The following RASGEF1A variants were observed in gnomAD, a reference collection of about 807,000 sequenced individuals.
The protein encoded by RASGEF1A is ras-GEF domain-containing family member 1A.
A neutral mutation model predicts 56.4 loss-of-function variants in RASGEF1A; 18 were observed. The observed-to-expected ratio is 0.32, with a 90% confidence interval of 0.22 to 0.47. The LOEUF is 0.47. Ranked by LOEUF, RASGEF1A falls within the 20% of genes least tolerant of loss-of-function variation. The pLI, the probability that RASGEF1A is intolerant of heterozygous loss-of-function variation, is 1.00. For missense variants in RASGEF1A, 422 were observed against 627.1 expected (o/e 0.67, Z 3.49); for synonymous variants, 245 against 242.6 (o/e 1.01, Z -0.09).
intron 1 of RASGEF1A, among the ~76,000 whole-genome samples, chr10:43,261,603 C>T (rs1413355475): frequency 6.6e-6 from 1 of 152,218 alleles, no homozygotes; most frequent in Non-Finnish European, 1.5e-5. Flanking sequence ...CCCAGAACTC[C>T]CAACCTCATC....
chr10:43,204,145 G>C (rs190984422), intron 2 of RASGEF1A, among the ~76,000 whole-genome samples: 2 of 152,308 alleles, frequency 1.3e-5, no homozygotes, highest in East Asian at 3.9e-4. Context: ...TCTAGCTCCT[G>C]CTTGTGGACA....
chr10:43,201,245 T>A (rs1302805756), intron 4 of RASGEF1A, among the ~76,000 whole-genome samples: 1 of 152,170 alleles, frequency 6.6e-6, no homozygotes. Context: ...TGGGAAAGGC[T>A]TCTGCCAAAG....
intron 3 of RASGEF1A, 26 bp downstream of exon 3, chr10:43,203,272 C>G (rs1366889065): frequency 6.5e-7 from 1 of 1,535,838 alleles, no homozygotes; most frequent in Non-Finnish European, 8.8e-7. Context: ...TGCCCCCGCC[C>G]GTGCCCCAGC....
intron 1 of RASGEF1A, among the ~76,000 whole-genome samples, chr10:43,263,026 GGGCGT>G (rs1836561926): frequency 1.3e-5 from 2 of 152,176 alleles, no homozygotes; most frequent in South Asian, 4.1e-4. Context: ...CAAGGTTCAG[GGGCGT>G]GATGATGTGC....
chr10:43,248,763 A>T (rs1269611462), intron 1 of RASGEF1A, among the ~76,000 whole-genome samples: 1 of 152,076 alleles, frequency 6.6e-6, no homozygotes, highest in African/African-American at 2.4e-5. Context: ...AATGGTATTC[A>T]TTCATCCAAT....
intron 1 of RASGEF1A, 39 bp from the exon 2 acceptor site, chr10:43,206,161 C>T (rs1263076036): frequency 1.3e-6 from 2 of 1,502,286 alleles, no homozygotes; most frequent in Non-Finnish European, 1.8e-6. Context: ...ATCAAAGGCG[C>T]CTCCACAGCT....
chr10:43,229,678 G>C, intron 1 of RASGEF1A: 1 of 1,469,088 alleles, frequency 6.8e-7, no homozygotes, highest in Non-Finnish European at 9.0e-7. Flanking sequence ...TCCCCGCGCC[G>C]TCCTGCCCGG....
intron 1 of RASGEF1A, chr10:43,207,282 G>T: frequency 1.0e-6 from 1 of 985,522 alleles, no homozygotes; most frequent in Non-Finnish European, 1.2e-6. Flanking sequence ...CCACTGCACA[G>T]AGCAAATTGT....
At chr10:43,257,635 C>T (rs985281069) in intron 1 of RASGEF1A, among the ~76,000 whole-genome samples, 2 of 152,246 alleles carry the variant, frequency 1.3e-5, no homozygotes, top group African/African-American at 2.4e-5. Context: ...CTGCACACAG[C>T]GATGGGCAAC....
chr10:43,232,482 C>T (rs144280196), intron 1 of RASGEF1A, among the ~76,000 whole-genome samples: 2,410 of 141,364 alleles, frequency 0.017, 72 homozygotes, highest in African/African-American at 0.059. Flanking sequence ...ACCCAGTCTC[C>T]GGCTTTTTTT....
At chr10:43,266,727 GC>G (rs1345235889) in intron 1 of RASGEF1A, 117 bp downstream of exon 1, 1 of 145,880 alleles carries the variant, frequency 6.9e-6, no homozygotes, top group Non-Finnish European at 1.5e-5. Flanking sequence ...CGACGGCCGC[GC>G]CGGGAGGGAC....
chr10:43,203,351 C>G lies in RASGEF1A; in HGVS notation c.268G>C (p.Val90Leu), dbSNP rs773897743. The change falls in exon 3 of 13, where the codon GTG becomes CTG. Residue 90 changes from valine to leucine, a missense_variant. By Grantham distance (32) the Val-to-Leu change is conservative. Around this residue, in one of 2 missense-constraint regions of RASGEF1A, gnomAD observed 273 missense variants for 339.9 expected, o/e 0.80. Coordinates refer to ENST00000395810, the MANE Select transcript of RASGEF1A (RefSeq NM_145313.4). Reference protein sequence around the residue: ...FMPPHDLLARVGQICVEQKQQ... With the variant: ...FMPPHDLLARLGQICVEQKQQ... The stretch of plus-strand genomic sequence containing the variant: ...TTCTGCTCCACGCAGATCTGCCCCA[C>G]GCGGGCCAGCAGGTCATGAGGGGGC... 3 of 1,584,978 alleles carry G rather than the reference C, an allele frequency of 1.9e-6. No homozygotes were observed. The highest frequency in any genetic ancestry group is 2.3e-5 in the South Asian group (2 of 87,272).
chr10:43,197,129 T>C, intron 10 of RASGEF1A, 30 bp from the exon 11 acceptor site: 1 of 1,610,606 alleles, frequency 6.2e-7, no homozygotes, highest in South Asian at 1.1e-5. Context: ...CTGATGTTCA[T>C]CTGTCACCTT....
chr10:43,215,825 G>C (rs1329641126), intron 1 of RASGEF1A, among the ~76,000 whole-genome samples: 1 of 152,206 alleles, frequency 6.6e-6, no homozygotes, highest in Non-Finnish European at 1.5e-5. Flanking sequence ...GAGAATCAGT[G>C]CTCCGACAGA....
At chr10:43,248,364 TAAAAAAAAAA>T (rs34561814) in intron 1 of RASGEF1A, among the ~76,000 whole-genome samples, 5 of 111,420 alleles carry the variant, frequency 4.5e-5, no homozygotes, top group Non-Finnish European at 8.9e-5. Context: ...ACTCGGTCTT[TAAAAAAAAAA>T]AAAAAAAAAA....
intron 1 of RASGEF1A, among the ~76,000 whole-genome samples, chr10:43,242,969 GCA>G (rs1298005605): frequency 6.6e-6 from 1 of 152,210 alleles, no homozygotes; most frequent in African/African-American, 2.4e-5. Context: ...TAGGAAGTGA[GCA>G]GCGTCTCTGC....
chr10:43,203,460 G>C, intron 2 of RASGEF1A, 40 bp from the exon 3 acceptor site: 1 of 1,484,450 alleles, frequency 6.7e-7, no homozygotes. Context: ...GGGAGGGTGA[G>C]GCAGGCCCCC....
intron 1 of RASGEF1A, among the ~76,000 whole-genome samples, chr10:43,251,649 T>C (rs1840628735): frequency 6.6e-6 from 1 of 152,176 alleles, no homozygotes; most frequent in South Asian, 2.1e-4. Flanking sequence ...GTCCTGTTAA[T>C]TGCGAGCCCT....
At chr10:43,217,379 A>C (rs7073629) in intron 1 of RASGEF1A, among the ~76,000 whole-genome samples, 2,680 of 152,294 alleles carry the variant, frequency 0.018, 74 homozygotes, top group African/African-American at 0.061. Flanking sequence ...CCAGGGCTAC[A>C]GTGCTCTCTC....
Sources: allele counts gnomAD v4.1 joint callset (sites outside exome capture counted in the v4.1 genomes callset), GRCh38; gene constraint gnomAD v4.1.1; regional missense constraint gnomAD v4.1.1; transcripts MANE v1.5; gene names NCBI Gene and HGNC (gene_info 2026-07-23, HGNC 2026-07-21).